The following SHISAL2A variants were observed in gnomAD, a reference collection of about 807,000 sequenced individuals.
SHISAL2A encodes the protein shisa like 2A.
A neutral mutation model predicts 11.5 loss-of-function variants in SHISAL2A; 18 were observed. That is an observed-to-expected ratio of 1.57 (90% CI 1.08 to 2.33). The LOEUF (loss-of-function observed/expected upper bound fraction) is 2.33. Ranked by LOEUF, SHISAL2A falls within the 30% of genes most tolerant of loss-of-function variation. The pLI is 0.00. For synonymous variants in SHISAL2A, 94 were observed against 99.6 expected (o/e 0.94, Z 0.34); for missense variants, 261 against 250.9 (o/e 1.04, Z -0.27).
At chr1:52,652,965 CAAAAAAAAAAAAAAAAAAAAAA>C (rs36154490) in intron 2 of SHISAL2A, among the ~76,000 whole-genome samples, 3 of 22,370 alleles carry the variant, frequency 1.3e-4, no homozygotes, top group African/African-American at 6.6e-4. Context: ...GACTCTGTCT[CAAAAAAAAAAAAAAAAAAAAAA>C]AAAAAAAAAA....
intron 2 of SHISAL2A, among the ~76,000 whole-genome samples, chr1:52,647,114 G>A (rs1691518834): frequency 6.6e-6 from 1 of 152,144 alleles, no homozygotes; most frequent in South Asian, 2.1e-4. Context: ...GATTACAGGT[G>A]TGAGCCACTG....
intron 2 of SHISAL2A, among the ~76,000 whole-genome samples, chr1:52,655,923 G>T (rs559285292): frequency 6.6e-6 from 1 of 152,310 alleles, no homozygotes; most frequent in African/African-American, 2.4e-5. Flanking sequence ...CTGATCTAAG[G>T]TGGTAGCCTT....
intron 2 of SHISAL2A, among the ~76,000 whole-genome samples, chr1:52,645,570 G>A (rs1369686501): frequency 7.6e-6 from 1 of 132,328 alleles, no homozygotes; most frequent in Non-Finnish European, 1.7e-5. Flanking sequence ...ACCACACCTG[G>A]CTAATTTTTT....
intron 2 of SHISAL2A, among the ~76,000 whole-genome samples, chr1:52,649,584 C>T (rs1353121080): frequency 2.0e-5 from 3 of 152,200 alleles, no homozygotes; most frequent in South Asian, 2.1e-4. Flanking sequence ...CTTGGGATGG[C>T]AATGAAGACC....
rs1266549730 is a variant in SHISAL2A, at chr1:52,656,799, A to T, written c.332A>T (p.Glu111Val). The T allele has an allele frequency of 6.2e-7, 1 of 1,608,186 alleles. No homozygotes were observed. Among genetic ancestry groups the T allele is most frequent in the Non-Finnish European group, 8.5e-7 (1 of 1,176,186 alleles). ...GTTTGCTGTTTTCCAGGCCCTGAGG[A>T]GGTTTCTCCTGACTGCCAAGGTGTG... is the stretch of plus-strand genomic sequence containing the variant. ...GLSLQTAGPE[E>V]VSPDCQGVNT... is the part of the protein sequence containing the mutation. The change falls in exon 3 of 3, where the codon GAG (glutamate) becomes GTG (valine). Residue 111 changes from glutamate (E) to valine (V), a missense_variant. Transcript: ENST00000517870.
At chr1:52,668,665 C>T (rs764066673) in exon 6 of SHISAL2A, 2 of 152,240 alleles carry the variant, frequency 1.3e-5, no homozygotes, top group Admixed American at 6.5e-5. Flanking sequence ...GGAGACCAGC[C>T]GTTACCCCAA....
At chr1:52,657,578 G>T (rs922487051), downstream of SHISAL2A, among the ~76,000 whole-genome samples, 1 of 152,160 alleles carries the variant, frequency 6.6e-6, no homozygotes, top group Admixed American at 6.6e-5. Flanking sequence ...ATAGGGGCAG[G>T]GCGCGGCAGT....
chr1:52,640,491 C>T (rs1239515339), intron 1 of SHISAL2A, among the ~76,000 whole-genome samples: 2 of 152,106 alleles, frequency 1.3e-5, no homozygotes, highest in Non-Finnish European at 1.5e-5. Flanking sequence ...TGGCCGGACA[C>T]GGTAGCTCAC....
At chr1:52,662,246 G>A (rs1184925388) in intron 4 of SHISAL2A, among the ~76,000 whole-genome samples, 2 of 152,176 alleles carry the variant, frequency 1.3e-5, no homozygotes, top group Non-Finnish European at 2.9e-5. Context: ...GGAAGCAGGG[G>A]TTGAACTTAA....
In SHISAL2A at chr1:52,644,432, G is replaced by A. The variant is rs1331226611; in HGVS notation, c.322+1430G>A. On this transcript the variant is annotated intron_variant, in intron 2 of 2. Coordinates refer to ENST00000517870, the MANE Select transcript of SHISAL2A (RefSeq NM_001042693.3). ...GAGAAATTTAAGCTAAGCAAAAGAA[G>A]TAAGGGTGACAGCCGGTTGTAGTGG... Among the ~76,000 whole-genome samples, 4 of 152,190 alleles carry A rather than the reference G, an allele frequency of 2.6e-5. No homozygotes were observed. In the South Asian group the frequency reaches 6.2e-4, roughly 24 times the overall value.
downstream of SHISAL2A, among the ~76,000 whole-genome samples, chr1:52,660,637 G>A (rs937379372): frequency 1.3e-5 from 2 of 152,222 alleles, no homozygotes; most frequent in African/African-American, 4.8e-5. Flanking sequence ...GGAGCTAGCT[G>A]GAGAGTGGGC....
At chr1:52,652,822 C>T (rs1317926284) in intron 2 of SHISAL2A, among the ~76,000 whole-genome samples, 3 of 151,252 alleles carry the variant, frequency 2.0e-5, no homozygotes, top group Admixed American at 6.6e-5. Context: ...CAAAATTAGC[C>T]GGGCTTGGTG....
chr1:52,653,693 T>C (rs1442289401), intron 2 of SHISAL2A, among the ~76,000 whole-genome samples: 1 of 151,992 alleles, frequency 6.6e-6, no homozygotes, highest in Non-Finnish European at 1.5e-5. Flanking sequence ...AGAAATACAC[T>C]ATGTTCATGA....
At chr1:52,643,142 G>T in intron 2 of SHISAL2A, 140 bp downstream of exon 2, 1 of 770,754 alleles carries the variant, frequency 1.3e-6, no homozygotes, top group East Asian at 2.6e-5. Context: ...CATTTTTCTG[G>T]AGATTCGTGA....
At chr1:52,667,909 T>C (rs920686110) in intron 5 of SHISAL2A, among the ~76,000 whole-genome samples, 1 of 152,168 alleles carries the variant, frequency 6.6e-6, no homozygotes, top group Non-Finnish European at 1.5e-5. Context: ...GGTTTGAATA[T>C]AGTTCTCTTG....
rs1410909291 is a variant in SHISAL2A at position 52,635,352 on chromosome 1, TCCCCACC to T, written c.182+1687_182+1693del. On this transcript the variant is annotated intron_variant, in intron 1 of 2. Transcript: ENST00000517870. ...ATAATTCTCAAATCCACACCCTCATTCCCCACCCCCCACCCCACCAGAGAATTCGGAG... is the reference window on the plus strand; with the variant it reads ...ATAATTCTCAAATCCACACCCTCATTCCCCACCCCACCAGAGAATTCGGAG... Among the ~76,000 whole-genome samples the T allele has an allele frequency of 9.9e-5, 15 of 151,252 alleles. No individual in the cohort carries two copies. In the East Asian group the frequency reaches 2.3e-3, roughly 24 times the overall value.
chr1:52,644,057 G>C (rs1291698241), intron 2 of SHISAL2A, among the ~76,000 whole-genome samples: 1 of 152,182 alleles, frequency 6.6e-6, no homozygotes, highest in East Asian at 1.9e-4. Context: ...AGAAAAGCAA[G>C]ACTGAAAGAG....
rs1691412076 is a variant in SHISAL2A, at chr1:52,643,268, T to C, written c.322+266T>C. On this transcript the variant is annotated intron_variant, in intron 2 of 2. Transcript: ENST00000517870. ...AATCCATGTTGTGGATTGTTTAAGATGATGTTTTAATTTTAGCCTTGGGGA... is the reference window on the plus strand; with the variant it reads ...AATCCATGTTGTGGATTGTTTAAGACGATGTTTTAATTTTAGCCTTGGGGA... Among the ~76,000 whole-genome samples, 3 of 152,360 alleles carry C rather than the reference T, an allele frequency of 2.0e-5. No individual in the cohort carries two copies. In the South Asian group the frequency reaches 6.2e-4, roughly 32 times the overall value.
At chr1:52,661,391 C>T (rs1465190259), downstream of SHISAL2A, among the ~76,000 whole-genome samples, 1 of 152,214 alleles carries the variant, frequency 6.6e-6, no homozygotes, top group Non-Finnish European at 1.5e-5. Context: ...CAAGAAATGA[C>T]TTGGGCCCTA....
Sources: allele counts gnomAD v4.1 joint callset (sites outside exome capture counted in the v4.1 genomes callset), GRCh38; gene constraint gnomAD v4.1.1; transcripts MANE v1.5; gene names NCBI Gene and HGNC (gene_info 2026-07-23, HGNC 2026-07-21).